Variants in DLG2 observed in about 807,000 individuals in gnomAD.
DLG2 encodes discs large MAGUK scaffold protein 2, also known as disks large homolog 2.
DLG2 carries 45 observed loss-of-function variants against 132.5 expected under a neutral mutation model. The observed-to-expected ratio is 0.34, with a 90% CI of 0.27 to 0.44. DLG2 has a LOEUF of 0.44. DLG2 is among the 20% of genes least tolerant of loss of function. The pLI is 1.00. For missense variants in DLG2, 1,045 were observed against 1,196.9 expected (o/e 0.87, Z 1.87); for synonymous variants, 424 against 419.6 (o/e 1.01, Z -0.13).
intron 7 of DLG2, among the ~76,000 whole-genome samples, chr11:84,392,557 G>A (rs2098796247): frequency 6.6e-6 from 1 of 152,052 alleles, no homozygotes; most frequent in Admixed American, 6.6e-5. Context: ...AATCCATTTT[G>A]GTCTATTCTT....
chr11:83,525,195 T>G (rs138938886), intron 21 of DLG2, among the ~76,000 whole-genome samples: 2 of 152,204 alleles, frequency 1.3e-5, no homozygotes, highest in East Asian at 3.8e-4. Flanking sequence ...AGGGTTTACA[T>G]AGGACACACC....
intron 6 of DLG2, among the ~76,000 whole-genome samples, chr11:84,669,794 T>C (rs2099703761): frequency 6.6e-6 from 1 of 152,176 alleles, no homozygotes; most frequent in Admixed American, 6.5e-5. Context: ...CTTGGACTCC[T>C]AAGTACCTCC....
chr11:84,390,243 T>A (rs2098787733), intron 7 of DLG2, among the ~76,000 whole-genome samples: 1 of 152,182 alleles, frequency 6.6e-6, no homozygotes, highest in African/African-American at 2.4e-5. Flanking sequence ...AATACTACGG[T>A]AACATAACTT....
chr11:84,549,310 A>T (rs541685022), intron 6 of DLG2, among the ~76,000 whole-genome samples: 1 of 152,240 alleles, frequency 6.6e-6, no homozygotes, highest in African/African-American at 2.4e-5. Context: ...GTAATTTTCC[A>T]GGGATAACTG....
intron 6 of DLG2, among the ~76,000 whole-genome samples, chr11:84,600,937 C>T (rs2099575367): frequency 6.6e-6 from 1 of 152,076 alleles, no homozygotes. Context: ...TTCAAATGCT[C>T]AAAGGATAAA....
intron 6 of DLG2, among the ~76,000 whole-genome samples, chr11:84,656,180 G>A (rs148335693): frequency 1.6e-3 from 242 of 152,212 alleles, no homozygotes; most frequent in African/African-American, 5.7e-3. Flanking sequence ...TGCATCGACA[G>A]GTTGGAATCA....
intron 11 of DLG2, among the ~76,000 whole-genome samples, chr11:84,048,278 T>C (rs914330031): frequency 3.3e-5 from 5 of 151,642 alleles, no homozygotes; most frequent in African/African-American, 1.2e-4. Flanking sequence ...TTCTTTCTTA[T>C]TCCATATATT....
At chr11:85,615,326 T>C (rs983745026) in intron 2 of DLG2, among the ~76,000 whole-genome samples, 4 of 152,098 alleles carry the variant, frequency 2.6e-5, no homozygotes, top group African/African-American at 9.7e-5. Flanking sequence ...AAGACCAGCC[T>C]GGGCAACATG....
chr11:84,229,810 T>A (rs1339970992), intron 8 of DLG2, among the ~76,000 whole-genome samples: 11 of 152,198 alleles, frequency 7.2e-5, no homozygotes, highest in Non-Finnish European at 1.5e-5. Context: ...AAGATCAATA[T>A]CTAACTATAA....
rs1338581126 is a variant in DLG2, at chr11:85,008,151, T to G, written c.357+103510A>C. Among the ~76,000 whole-genome samples, 5 of 152,194 alleles carry G rather than the reference T, an allele frequency of 3.3e-5. No homozygotes were observed. The East Asian group carries it at 9.6e-4, about 29-fold the overall frequency. On this transcript the variant is annotated intron_variant, in intron 6 of 27. Coordinates refer to ENST00000376104, the MANE Select transcript of DLG2 (RefSeq NM_001142699.3). Reference sequence around the variant, plus strand: ...TTAGGTTTCTGCCATGAAATGAGTTTTGATATCAAGAGTATATAAAACTTT... The same window carrying G: ...TTAGGTTTCTGCCATGAAATGAGTTGTGATATCAAGAGTATATAAAACTTT...
intron 3 of DLG2, among the ~76,000 whole-genome samples, chr11:85,290,583 A>T (rs371718337): frequency 1.8e-3 from 275 of 152,148 alleles, no homozygotes; most frequent in African/African-American, 6.4e-3. Flanking sequence ...TAATAGAAGG[A>T]AGATGGCAAG....
intron 6 of DLG2, among the ~76,000 whole-genome samples, chr11:84,834,785 A>C (rs985010437): frequency 9.1e-6 from 1 of 109,476 alleles, no homozygotes; most frequent in African/African-American, 3.2e-5. Flanking sequence ...CAAGAATTTT[A>C]GTCTTTTCTC....
chr11:85,026,560 G>A (rs1017842594), intron 6 of DLG2, among the ~76,000 whole-genome samples: 12 of 152,168 alleles, frequency 7.9e-5, no homozygotes, highest in South Asian at 4.2e-4. Flanking sequence ...TCTTTCGGCC[G>A]GGCGCGGTAG....
intron 15 of DLG2, among the ~76,000 whole-genome samples, chr11:83,926,839 C>A (rs761148329): frequency 7.2e-5 from 11 of 152,020 alleles, no homozygotes; most frequent in Non-Finnish European, 1.5e-4. Flanking sequence ...TTTTACTTTG[C>A]CCCTGAATTA....
intron 11 of DLG2, among the ~76,000 whole-genome samples, chr11:83,981,093 C>T (rs916837147): frequency 6.6e-6 from 1 of 152,080 alleles, no homozygotes; most frequent in African/African-American, 2.4e-5. Context: ...TGGGCAGAGA[C>T]CTGGATACTC....
At chr11:84,534,827 AGT>A in intron 6 of DLG2, 96 bp from the exon 7 acceptor site, 1 of 1,375,832 alleles carries the variant, frequency 7.3e-7, no homozygotes, top group Non-Finnish European at 1.0e-6. Flanking sequence ...AATAGGACAC[AGT>A]GTGCACCTAC....
chr11:84,133,335 G>A (rs1046771574), intron 9 of DLG2, among the ~76,000 whole-genome samples: 2 of 151,988 alleles, frequency 1.3e-5, no homozygotes, highest in Non-Finnish European at 2.9e-5. Flanking sequence ...TAGTTTTAGA[G>A]GTGTAACTGA....
intron 15 of DLG2, among the ~76,000 whole-genome samples, chr11:83,917,052 C>T (rs1482837732): frequency 1.3e-5 from 2 of 152,164 alleles, no homozygotes; most frequent in South Asian, 2.1e-4. Context: ...TGAGGATGCA[C>T]TATTAGCTTT....
rs540362066 is a variant in DLG2, at chr11:84,823,479, A to G, written c.357+288182T>C. Among the ~76,000 whole-genome samples the G allele has an allele frequency of 5.3e-5, 8 of 151,536 alleles. No individual in the cohort carries two copies. The South Asian group carries it at 6.3e-4, about 12-fold the overall frequency. ...TATTCCCTCTACTTTCTCCTAGGTA[A>G]TATGTGGCTTGACCTCTCACTTCCT... On this transcript the variant is annotated intron_variant, in intron 6 of 27. Transcript: ENST00000376104.
Sources: gnomAD v4.1 joint callset for allele counts (sites outside exome capture counted in the v4.1 genomes callset) on GRCh38, gnomAD v4.1.1 for gene constraint, MANE v1.5 for transcripts, NCBI Gene and HGNC (gene_info 2026-07-23, HGNC 2026-07-21) for gene names.